AMOTL2: variants seen among roughly 807,000 people sequenced by gnomAD.
The protein encoded by AMOTL2 is angiomotin like 2.
AMOTL2 carries 33 observed loss-of-function variants against 78.4 expected under a neutral mutation model. The ratio of observed to expected loss-of-function variants is 0.42; its 90% CI spans 0.32 to 0.56. The LOEUF (loss-of-function observed/expected upper bound fraction) is 0.56. AMOTL2 is among the 20% of genes least tolerant of loss of function. AMOTL2 has a pLI of 0.12. For missense variants in AMOTL2, 983 were observed against 1,030.1 expected, an observed-to-expected ratio of 0.95 and a Z score of 0.63; for synonymous variants, 422 against 428.8, an observed-to-expected ratio of 0.98 and a Z score of 0.20.
chr3:134,372,112 T>G (rs2017889897), intron 1 of AMOTL2, among the ~76,000 whole-genome samples: 1 of 152,140 alleles, frequency 6.6e-6, no homozygotes, highest in Non-Finnish European at 1.5e-5. Flanking sequence ...ACAGTCAACC[T>G]ACCACCCTCT....
chr3:134,370,979 T>C lies in AMOTL2; in HGVS notation c.455A>G (p.His152Arg). The C allele has an allele frequency of 3.1e-6, 5 of 1,606,546 alleles. No individual in the cohort carries two copies. Among genetic ancestry groups the C allele is most frequent in the Non-Finnish European group, 4.2e-6 (5 of 1,176,576 alleles). Reference sequence around the variant, plus strand: ...TTCACTCAACGAGCGCACGTGCCCATGCCTCAGCTCCCGCAGGGCCTCGTC... The same window carrying C: ...TTCACTCAACGAGCGCACGTGCCCACGCCTCAGCTCCCGCAGGGCCTCGTC... Reference protein sequence around the residue: ...RQDEALRELRHGHVRSLSERL... With the variant: ...RQDEALRELRRGHVRSLSERL... Residue 152 changes from histidine to arginine, a missense_variant, in exon 2 of 10, where the codon CAT becomes CGT. Physicochemically the swap from His to Arg is conservative, Grantham distance 29. Coordinates refer to ENST00000249883, the MANE Select transcript of AMOTL2 (RefSeq NM_016201.4).
upstream of AMOTL2, chr3:134,375,239 A>T: frequency 5.9e-6 from 9 of 1,535,698 alleles, no homozygotes; most frequent in East Asian, 2.0e-4. Context: ...CCCCAAGGTG[A>T]TAATAGGCGC....
intron 6 of AMOTL2, 37 bp downstream of exon 6, chr3:134,361,475 C>G: frequency 6.4e-7 from 1 of 1,550,930 alleles, no homozygotes. Flanking sequence ...CCAACATCCT[C>G]AGATGCTGCC....
At chr3:134,360,550 T>C in intron 6 of AMOTL2, 137 bp from the exon 7 acceptor site, 1 of 772,634 alleles carries the variant, frequency 1.3e-6, no homozygotes, top group Admixed American at 2.5e-5. Context: ...CCATCCTTCC[T>C]CTACCGAAAT....
At chr3:134,362,715 C>A (rs2017426393) in intron 5 of AMOTL2, among the ~76,000 whole-genome samples, 1 of 152,234 alleles carries the variant, frequency 6.6e-6, no homozygotes, top group South Asian at 2.1e-4. Context: ...GAGGCCCTCT[C>A]CATAGGGCCA....
chr3:134,368,861 G>A (rs2107746229), intron 2 of AMOTL2, among the ~76,000 whole-genome samples: 1 of 152,288 alleles, frequency 6.6e-6, no homozygotes, highest in East Asian at 1.9e-4. Flanking sequence ...GTTGAGGGAA[G>A]GAGCAAAGGG....
rs1366324678 is a variant in AMOTL2 at position 134,371,397 on chromosome 3, G to A, written c.37C>T (p.His13Tyr). The A allele has an allele frequency of 1.1e-5, 17 of 1,606,596 alleles. No individual in the cohort carries two copies. Among genetic ancestry groups the A allele is most frequent in the Non-Finnish European group, 1.3e-5 (15 of 1,179,994 alleles). ...TLEDSSGTVL[H>Y]RLIQEQLRYG... ...CGCAGCTGCTCCTGGATGAGGCGGTGCAGGACTGTCCCCGAGGAGTCTTCC... is the reference window on the plus strand; with the variant it reads ...CGCAGCTGCTCCTGGATGAGGCGGTACAGGACTGTCCCCGAGGAGTCTTCC... Residue 13 changes from histidine (H) to tyrosine (Y), a missense_variant, in exon 2 of 10, where the codon CAC becomes TAC. Physicochemically the swap from His to Tyr is moderately conservative, Grantham distance 83. Coordinates refer to ENST00000249883, the MANE Select transcript of AMOTL2 (RefSeq NM_016201.4).
chr3:134,361,532 T>C lies in AMOTL2; in HGVS notation c.1555A>G (p.Lys519Glu). 1 of 1,611,906 alleles carries C rather than the reference T, an allele frequency of 6.2e-7. No homozygotes were observed. Among genetic ancestry groups the C allele is most frequent in the Non-Finnish European group, 8.5e-7 (1 of 1,179,020 alleles). ...RLRTRLEQEL[K>E]ALRAQQRQAG... ...CTCACCTGCTGTGCACGCAGGGCCTTGAGTTCCTGCTCCAGGCGAGTCCGC... is the reference window on the plus strand; with the variant it reads ...CTCACCTGCTGTGCACGCAGGGCCTCGAGTTCCTGCTCCAGGCGAGTCCGC... The change falls in exon 6 of 10, where the codon AAG becomes GAG. Residue 519 changes from lysine (K) to glutamate (E), a missense_variant. Coordinates refer to ENST00000249883, the MANE Select transcript of AMOTL2 (RefSeq NM_016201.4).
Position 134,371,447 on chromosome 3 carries a change from G to A in AMOTL2, c.-14C>T. On this transcript the variant is annotated 5_prime_UTR_variant, in exon 2 of 10. Transcript: ENST00000249883. ...CAGTGTCCTCATGCTTCTTTGGCTT[G>A]CACACAGCTGCCTGGACAATGGCCG... The A allele has an allele frequency of 6.3e-7, 1 of 1,599,238 alleles. No homozygotes were observed. The highest frequency in any genetic ancestry group is 8.5e-7 in the Non-Finnish European group (1 of 1,179,230).
rs1018568573 is a variant in AMOTL2 at position 134,361,759 on chromosome 3, A to G, written c.1328T>C (p.Leu443Pro). ...EQEKLEREMA[L>P]LRGAIEDQRR... ...CTGGTCCTCGATGGCGCCGCGCAGC[A>G]GTGCCATCTCTCGCTCCAGCTTCTC... The change falls in exon 6 of 10, where the codon CTG (leucine) becomes CCG (proline). Residue 443 changes from leucine (L) to proline (P), a missense_variant. Coordinates refer to ENST00000249883, the MANE Select transcript of AMOTL2 (RefSeq NM_016201.4). The G allele has an allele frequency of 6.9e-6, 11 of 1,585,296 alleles. No homozygotes were observed. The highest frequency in any genetic ancestry group is 9.5e-6 in the Non-Finnish European group (11 of 1,163,640).
chr3:134,373,492 G>T (rs980027896), intron 1 of AMOTL2: 2 of 985,416 alleles, frequency 2.0e-6, no homozygotes, highest in African/African-American at 3.5e-5. Context: ...ACAAAAACCT[G>T]CTTCCGCGCC....
At position 134,371,154 on chromosome 3, in the gene AMOTL2, G is replaced by A. The variant is rs759696909; in HGVS notation, c.280C>T (p.Leu94=). ...NHLAENTLYR[L]CPQPSKGEEL... ...TCTCCCTTGCTGGGCTGTGGGCATA[G>A]CCGGTAGAGGGTGTTCTCTGCCAGG... Residue 94 remains leucine, a synonymous_variant, in exon 2 of 10, where the codon CTA becomes TTA. Transcript: ENST00000249883. 6.2e-7 allele frequency: 1 copy of A among 1,613,952 alleles called. No homozygotes were observed. The highest frequency in any genetic ancestry group is 2.2e-5 in the East Asian group (1 of 44,862).
chr3:134,367,505 T>G lies in AMOTL2; in HGVS notation c.1033A>C (p.Ile345Leu), dbSNP rs776354842. The G allele has an allele frequency of 5.0e-6, 8 of 1,611,738 alleles. No individual in the cohort carries two copies. The Admixed American group carries it at 1.3e-4, about 27-fold the overall frequency. Residue 345 changes from isoleucine (I) to leucine (L), a missense_variant, in exon 3 of 10, where the codon ATT becomes CTT. Coordinates refer to ENST00000249883, the MANE Select transcript of AMOTL2 (RefSeq NM_016201.4). The part of the protein sequence containing the change: ...LESSAEKAGR[I>L]EKLESEIQRL... ...GCCCCAGCAGGGCCTACCTTCTCAA[T>G]GCGGCCAGCCTTCTCCGCAGAGCTC...
intron 2 of AMOTL2, among the ~76,000 whole-genome samples, chr3:134,370,421 C>A (rs922558873): frequency 1.3e-5 from 2 of 152,216 alleles, no homozygotes; most frequent in Non-Finnish European, 2.9e-5. Context: ...TAACCCCCTG[C>A]TGCAATTTGT....
Position 134,371,057 on chromosome 3 carries a change from G to A in AMOTL2, c.377C>T (p.Pro126Leu), listed in dbSNP as rs2017836336. 2.5e-6 allele frequency: 4 copies of A among 1,609,954 alleles called. No homozygotes were observed. The East Asian group carries it at 8.9e-5, about 36-fold the overall frequency. The change falls in exon 2 of 10, where the codon CCA becomes CTA. Residue 126 changes from proline (P) to leucine (L), a missense_variant. Physicochemically the swap from Pro to Leu is moderately conservative, Grantham distance 98. Coordinates refer to ENST00000249883, the MANE Select transcript of AMOTL2 (RefSeq NM_016201.4). ...ACGGGGATCTCGGTCCCCCGCATGT[G>A]GCCGGGTCCCTGCCTGCTGGGCCGC... is the stretch of plus-strand genomic sequence containing the variant. Reference protein sequence around the residue: ...YYAAQQAGTRPHAGDRDPRGA... With the variant: ...YYAAQQAGTRLHAGDRDPRGA...
chr3:134,375,405 C>A, upstream of AMOTL2: 1 of 688,198 alleles, frequency 1.5e-6, no homozygotes, highest in South Asian at 1.7e-5. Context: ...TGCCCAGAGT[C>A]ACACACAGTG....
intron 2 of AMOTL2, 88 bp downstream of exon 2, chr3:134,370,612 A>C: frequency 2.1e-6 from 3 of 1,457,118 alleles, no homozygotes; most frequent in Non-Finnish European, 1.8e-6. Flanking sequence ...TAGCTCTGAC[A>C]CAAGCTGTGA....
chr3:134,371,666 G>T, intron 1 of AMOTL2, 172 bp from the exon 2 acceptor site: 1 of 1,043,384 alleles, frequency 9.6e-7, no homozygotes, highest in Non-Finnish European at 1.3e-6. Flanking sequence ...GCCATCTACT[G>T]ATTAAGACAA....
chr3:134,368,812 G>A (rs2017722672), intron 2 of AMOTL2, among the ~76,000 whole-genome samples: 1 of 152,124 alleles, frequency 6.6e-6, no homozygotes, highest in Non-Finnish European at 1.5e-5. Context: ...TATTCTATTG[G>A]CCTCTGGCAC....
Sources: gnomAD v4.1 joint callset for allele counts (sites outside exome capture counted in the v4.1 genomes callset) on GRCh38, gnomAD v4.1.1 for gene constraint, MANE v1.5 for transcripts, NCBI Gene and HGNC (gene_info 2026-07-23, HGNC 2026-07-21) for gene names.